SGCD: variants seen among roughly 807,000 people sequenced by gnomAD.
SGCD encodes the protein delta-sarcoglycan.
In SGCD, 18 loss-of-function variants were observed where a neutral mutation model predicts 36.6. The observed-to-expected ratio is 0.49, with a 90% confidence interval of 0.34 to 0.73. The LOEUF (loss-of-function observed/expected upper bound fraction) is 0.73, where lower values mean the gene tolerates loss of function less well. Ranked by LOEUF, SGCD falls within the 30% of genes least tolerant of loss-of-function variation. SGCD has a pLI of 0.01. For missense variants in SGCD, 387 were observed against 346.7 expected (o/e 1.12, Z -0.92); for synonymous variants, 133 against 130.6 (o/e 1.02, Z -0.12).
At chr5:156,401,035 A>T (rs931834099) in intron 3 of SGCD, among the ~76,000 whole-genome samples, 2 of 152,226 alleles carry the variant, frequency 1.3e-5, no homozygotes, top group African/African-American at 4.8e-5. Context: ...CACTGCAGAT[A>T]ATATACAAAA....
intron 1 of SGCD, among the ~76,000 whole-genome samples, chr5:155,986,245 T>C (rs1297631919): frequency 6.6e-6 from 1 of 152,210 alleles, no homozygotes; most frequent in Non-Finnish European, 1.5e-5. Context: ...AAAATATCCA[T>C]TTGCAGGTTG....
At chr5:155,962,844 A>T (rs751045728) in intron 1 of SGCD, among the ~76,000 whole-genome samples, 6 of 152,164 alleles carry the variant, frequency 3.9e-5, no homozygotes, top group Non-Finnish European at 7.4e-5. Context: ...ACCAGGACTT[A>T]TGTGTTGAAA....
intron 1 of SGCD, among the ~76,000 whole-genome samples, chr5:156,009,969 G>T (rs754437479): frequency 6.6e-6 from 1 of 152,142 alleles, no homozygotes; most frequent in Non-Finnish European, 1.5e-5. Flanking sequence ...ACTCAAACAC[G>T]TTTTGGCAAA....
At chr5:156,432,476 G>A (rs933459251) in intron 3 of SGCD, among the ~76,000 whole-genome samples, 3 of 152,188 alleles carry the variant, frequency 2.0e-5, no homozygotes, top group African/African-American at 7.2e-5. Context: ...AGTTGGCCAG[G>A]GGAAGTATTC....
chr5:156,625,858 A>G (rs988503392), intron 6 of SGCD, among the ~76,000 whole-genome samples: 1 of 152,164 alleles, frequency 6.6e-6, no homozygotes, highest in Non-Finnish European at 1.5e-5. Flanking sequence ...TTTCATGTGG[A>G]GCCTATCATT....
intron 3 of SGCD, among the ~76,000 whole-genome samples, chr5:156,378,647 A>G (rs752677937): frequency 3.9e-5 from 6 of 152,096 alleles, no homozygotes; most frequent in Admixed American, 2.0e-4. Flanking sequence ...TTCAAAAAAG[A>G]CTTTTCCTAC....
intron 3 of SGCD, among the ~76,000 whole-genome samples, chr5:156,280,846 A>AT (rs201991660): frequency 0.017 from 2,524 of 152,268 alleles, 30 homozygotes; most frequent in Non-Finnish European, 0.024. Context: ...AATGCAGAGA[A>AT]TTTTTTAGAG....
the SGCD span, among the ~76,000 whole-genome samples, chr5:155,797,090 G>A: frequency 3.3e-5 from 5 of 152,084 alleles, no homozygotes; most frequent in African/African-American, 7.2e-5. Context: ...TACTAAAAAT[G>A]TGTTTCATTA....
At chr5:156,416,913 C>T (rs1773073442) in intron 3 of SGCD, among the ~76,000 whole-genome samples, 1 of 152,098 alleles carries the variant, frequency 6.6e-6, no homozygotes, top group Non-Finnish European at 1.5e-5. Flanking sequence ...ATGTGATTGG[C>T]TTTTTTTCTT....
chr5:155,852,942 A>G, the SGCD span, among the ~76,000 whole-genome samples: 1 of 152,036 alleles, frequency 6.6e-6, no homozygotes, highest in South Asian at 2.1e-4. Flanking sequence ...TACTCCTCCC[A>G]TTTACATTTT....
At chr5:156,618,835 T>G (rs576277540) in intron 6 of SGCD, among the ~76,000 whole-genome samples, 115 of 152,206 alleles carry the variant, frequency 7.6e-4, no homozygotes, top group Middle Eastern at 3.4e-3. Context: ...TATGCTTCTG[T>G]GTAAACTTCC....
the SGCD span, among the ~76,000 whole-genome samples, chr5:155,855,395 C>T: frequency 2.0e-5 from 3 of 152,112 alleles, no homozygotes; most frequent in African/African-American, 7.2e-5. Context: ...AACTGCCTTC[C>T]GTTTCCTGTT....
At chr5:156,412,283 A>C (rs1381366841) in intron 3 of SGCD, among the ~76,000 whole-genome samples, 1 of 152,258 alleles carries the variant, frequency 6.6e-6, no homozygotes. Context: ...TCAGTTGACC[A>C]AACTTTCAAG....
rs144664498 is a variant in SGCD, at chr5:156,583,655, T to G, written c.295-5576T>G. Among the ~76,000 whole-genome samples the G allele has an allele frequency of 2.0e-5, 3 of 152,230 alleles. No homozygotes were observed. In the East Asian group the frequency reaches 5.8e-4, roughly 29 times the overall value. ...TGAAGAAAATTCAAAACCGTTAAAA[T>G]GGAGTATGAAGGCAAAATGGGTAGA... On this transcript the variant is annotated intron_variant, in intron 4 of 8. Transcript: ENST00000337851.
At chr5:155,926,790 T>A (rs1025763487) in intron 1 of SGCD, among the ~76,000 whole-genome samples, 1 of 152,136 alleles carries the variant, frequency 6.6e-6, no homozygotes, top group Non-Finnish European at 1.5e-5. Context: ...AAAAATATAG[T>A]AATGGTGGGA....
chr5:156,418,877 T>A (rs897018533), intron 3 of SGCD, among the ~76,000 whole-genome samples: 1 of 152,190 alleles, frequency 6.6e-6, no homozygotes, highest in African/African-American at 2.4e-5. Flanking sequence ...CAGTGTACAT[T>A]TGGCATTACC....
At chr5:156,371,524 G>C (rs967284158) in intron 3 of SGCD, among the ~76,000 whole-genome samples, 10 of 152,310 alleles carry the variant, frequency 6.6e-5, no homozygotes, top group African/African-American at 2.2e-4. Context: ...AGGCAGGAGA[G>C]AAGGAGAGAA....
At chr5:156,530,554 T>C (rs1346743558) in intron 4 of SGCD, among the ~76,000 whole-genome samples, 3 of 151,008 alleles carry the variant, frequency 2.0e-5, no homozygotes. Context: ...CTTTATTTCT[T>C]TTCTTTTCTT....
intron 1 of SGCD, among the ~76,000 whole-genome samples, chr5:155,995,969 T>G (rs545488260): frequency 1.4e-4 from 19 of 131,914 alleles, no homozygotes; most frequent in Admixed American, 6.0e-4. Flanking sequence ...TTTCATTGTA[T>G]GTACATCAGA....
Sources: gnomAD v4.1 joint callset for allele counts (sites outside exome capture counted in the v4.1 genomes callset) on GRCh38, gnomAD v4.1.1 for gene constraint, MANE v1.5 for transcripts, NCBI Gene and HGNC (gene_info 2026-07-23, HGNC 2026-07-21) for gene names.